The following METTL16 variants were observed in gnomAD, a reference collection of about 807,000 sequenced individuals.
METTL16 encodes the protein RNA N(6)-adenosine-methyltransferase METTL16.
METTL16 carries 19 observed loss-of-function variants against 57.9 expected under a neutral mutation model. The ratio of observed to expected loss-of-function variants is 0.33; its 90% confidence interval spans 0.23 to 0.48. The LOEUF (loss-of-function observed/expected upper bound fraction) is 0.48, where lower values mean the gene tolerates loss of function less well. Among genes scored for constraint, METTL16 ranks in the 20% least tolerant of loss-of-function variants. The pLI is 0.99. For synonymous variants in METTL16, 246 were observed against 255.6 expected (o/e 0.96, Z 0.36); for missense variants, 434 against 691.5 (o/e 0.63, Z 4.18).
At chr17:2,435,990 G>C (rs1348312613) in intron 8 of METTL16, among the ~76,000 whole-genome samples, 1 of 152,104 alleles carries the variant, frequency 6.6e-6, no homozygotes, top group Non-Finnish European at 1.5e-5. Flanking sequence ...CATGCAGGAG[G>C]GCCCGGAGGA....
At chr17:2,422,520 C>T (rs954850313) in intron 8 of METTL16, among the ~76,000 whole-genome samples, 1 of 151,886 alleles carries the variant, frequency 6.6e-6, no homozygotes, top group Admixed American at 6.5e-5. Context: ...CCTGGGACTA[C>T]GTCACCAAGC....
At chr17:2,434,481 G>A (rs905665730) in intron 8 of METTL16, among the ~76,000 whole-genome samples, 3 of 152,164 alleles carry the variant, frequency 2.0e-5, no homozygotes, top group Non-Finnish European at 4.4e-5. Context: ...CCAAAGTGCT[G>A]GGATCACAGG....
chr17:2,510,003 G>A (rs1194716577), intron 1 of METTL16, among the ~76,000 whole-genome samples: 1 of 152,036 alleles, frequency 6.6e-6, no homozygotes, highest in Admixed American at 6.6e-5. Context: ...CTTGAACCCA[G>A]GAGGTGGAGG....
At chr17:2,447,157 T>A (rs930783481) in intron 6 of METTL16, among the ~76,000 whole-genome samples, 6 of 142,232 alleles carry the variant, frequency 4.2e-5, no homozygotes, top group African/African-American at 8.8e-5. Flanking sequence ...CCCCGCCGCC[T>A]TCCCATCTAG....
In METTL16 at chr17:2,505,395, A is replaced by ATTTT. The variant is rs564797281; in HGVS notation, c.1-3068_1-3065dup. 8.9e-4 allele frequency among the ~76,000 whole-genome samples: 45 copies of ATTTT among 50,588 alleles called. 2 individuals carry two copies. Among genetic ancestry groups the ATTTT allele is most frequent in the South Asian group, 3.0e-3 (4 of 1,324 alleles). 33.2% of individuals were successfully genotyped at this position (50,588 alleles called of 152,430 possible). A position where few individuals can be genotyped will look rare whatever the true frequency, so the allele number is the denominator to read the frequency against. On this transcript the variant is annotated intron_variant, in intron 1 of 9. Coordinates refer to ENST00000263092, the MANE Select transcript of METTL16 (RefSeq NM_024086.4). ...CCCCAACAATGTCAAGCCCAGAGGC[A>ATTTT]TTTTTTTTTTTTTTTTTTTTTTTTT...
chr17:2,474,931 T>G (rs1597461352), intron 3 of METTL16, among the ~76,000 whole-genome samples: 1 of 149,364 alleles, frequency 6.7e-6, no homozygotes, highest in Non-Finnish European at 1.5e-5. Context: ...CTCTCTCTCT[T>G]ACAATATTGA....
intron 3 of METTL16, among the ~76,000 whole-genome samples, chr17:2,473,946 A>C (rs2151567906): frequency 6.6e-6 from 1 of 152,194 alleles, no homozygotes; most frequent in South Asian, 2.1e-4. Context: ...TTGGCAGAGA[A>C]ATCACAAGCT....
At chr17:2,452,390 G>A (rs1426480772) in intron 6 of METTL16, among the ~76,000 whole-genome samples, 1 of 152,098 alleles carries the variant, frequency 6.6e-6, no homozygotes, top group Non-Finnish European at 1.5e-5. Context: ...AGAAGTCATT[G>A]GATGTGTTAA....
chr17:2,440,735 C>G (rs1025919714), intron 7 of METTL16, among the ~76,000 whole-genome samples: 5 of 151,826 alleles, frequency 3.3e-5, no homozygotes, highest in African/African-American at 1.2e-4. Flanking sequence ...CTTTGGGAGG[C>G]TGAGGTGAGA....
chr17:2,500,077 T>C (rs549918807), intron 2 of METTL16, among the ~76,000 whole-genome samples: 111 of 152,254 alleles, frequency 7.3e-4, no homozygotes, highest in African/African-American at 2.6e-3. Context: ...TTTGAGAATG[T>C]GATGACAGCT....
chr17:2,445,561 G>A lies in METTL16; in HGVS notation c.729-4002C>T, dbSNP rs958217007. Among the ~76,000 whole-genome samples, 14 of 152,272 alleles carry A rather than the reference G, an allele frequency of 9.2e-5. No homozygotes were observed. In the East Asian group the frequency reaches 2.5e-3, roughly 27 times the overall value. On this transcript the variant is annotated intron_variant, in intron 6 of 9. Coordinates refer to ENST00000263092, the MANE Select transcript of METTL16 (RefSeq NM_024086.4). ...AGCACTTTGGGAGGCTGAGGTGGGT[G>A]GATCACTTGAGGTCAGGAGTTTGAG...
At chr17:2,511,703 C>T (rs148281444) in intron 1 of METTL16, 56 bp downstream of exon 1, 8 of 396,338 alleles carry the variant, frequency 2.0e-5, no homozygotes, top group Non-Finnish European at 3.1e-5. Context: ...CCCGTGTGAT[C>T]CACGGGTTAA....
intron 3 of METTL16, among the ~76,000 whole-genome samples, chr17:2,476,875 G>A (rs1284182527): frequency 2.0e-5 from 3 of 151,814 alleles, no homozygotes; most frequent in Non-Finnish European, 4.4e-5. Context: ...AGCATTGCTT[G>A]AACCCGGGAG....
chr17:2,448,941 C>G (rs1413229290), intron 6 of METTL16, among the ~76,000 whole-genome samples: 1 of 149,252 alleles, frequency 6.7e-6, no homozygotes, highest in Non-Finnish European at 1.5e-5. Context: ...GCATGAGAAT[C>G]GCTTGAACCT....
At chr17:2,440,725 C>CT (rs1230708889) in intron 7 of METTL16, among the ~76,000 whole-genome samples, 1 of 151,814 alleles carries the variant, frequency 6.6e-6, no homozygotes, top group East Asian at 1.9e-4. Flanking sequence ...AATCCCAGCA[C>CT]TTTGGGAGGC....
chr17:2,491,646 C>T (rs536068915), intron 2 of METTL16, among the ~76,000 whole-genome samples: 17 of 151,682 alleles, frequency 1.1e-4, no homozygotes, highest in East Asian at 3.9e-4. Context: ...GAGGCCAAGG[C>T]GGGTGAATCA....
At chr17:2,495,749 G>A (rs187926528) in intron 2 of METTL16, among the ~76,000 whole-genome samples, 4 of 150,742 alleles carry the variant, frequency 2.7e-5, no homozygotes, top group East Asian at 2.0e-4. Context: ...TGAGTCTGAC[G>A]GGCTCAAGAC....
intron 8 of METTL16, among the ~76,000 whole-genome samples, chr17:2,426,135 G>C (rs1046976935): frequency 5.3e-5 from 8 of 151,898 alleles, no homozygotes; most frequent in African/African-American, 1.9e-4. Context: ...TGCGCACGAA[G>C]CCACAACCTC....
At chr17:2,448,238 A>AGGATGGTGGGGGG (rs1555617204) in intron 6 of METTL16, among the ~76,000 whole-genome samples, 4 of 148,418 alleles carry the variant, frequency 2.7e-5, no homozygotes, top group Admixed American at 1.3e-4. Flanking sequence ...CCCGTCTGGG[A>AGGATGGTGGGGGG]GGTGTGCCCA....
Sources: gnomAD v4.1 joint callset for allele counts (sites outside exome capture counted in the v4.1 genomes callset) on GRCh38, gnomAD v4.1.1 for gene constraint, MANE v1.5 for transcripts, NCBI Gene and HGNC (gene_info 2026-07-23, HGNC 2026-07-21) for gene names.